RIMKLB: variants seen among roughly 807,000 people sequenced by gnomAD.
RIMKLB encodes the protein beta-citrylglutamate synthase B.
In RIMKLB, 7 loss-of-function variants were observed where a neutral mutation model predicts 32.0. That is an observed-to-expected ratio of 0.22 (90% CI 0.12 to 0.41). The LOEUF (loss-of-function observed/expected upper bound fraction) is 0.41. Ranked by LOEUF, RIMKLB falls within the 10% of genes least tolerant of loss-of-function variation. The pLI, the probability that RIMKLB is intolerant of heterozygous loss-of-function variation, is 1.00. For missense variants in RIMKLB, 289 were observed against 498.7 expected (o/e 0.58, Z 4.00); for synonymous variants, 172 against 185.1 (o/e 0.93, Z 0.57).
chr12:8,768,261 A>G (rs1263710420), intron 5 of RIMKLB, among the ~76,000 whole-genome samples: 2 of 152,218 alleles, frequency 1.3e-5, no homozygotes, highest in Non-Finnish European at 2.9e-5. Context: ...GCCTCACTGG[A>G]TCAGGAGCAC....
intron 2 of RIMKLB, among the ~76,000 whole-genome samples, chr12:8,738,063 T>G (rs1329783640): frequency 6.6e-6 from 1 of 152,160 alleles, no homozygotes; most frequent in Non-Finnish European, 1.5e-5. Flanking sequence ...TTCAAAAAAT[T>G]ATAATCCATT....
At chr12:8,758,337 T>C (rs1226737497) in intron 5 of RIMKLB, among the ~76,000 whole-genome samples, 4 of 152,034 alleles carry the variant, frequency 2.6e-5, no homozygotes, top group Admixed American at 6.6e-5. Flanking sequence ...CCCAGGCTAG[T>C]CTTGAACTCT....
At chr12:8,713,708 G>A in intron 1 of RIMKLB, 103 bp from the exon 2 acceptor site, 1 of 733,122 alleles carries the variant, frequency 1.4e-6, no homozygotes, top group Non-Finnish European at 2.2e-6. Context: ...GTTTTTTCCT[G>A]TTTATATAAT....
chr12:8,724,110 A>G (rs769202615), intron 2 of RIMKLB, among the ~76,000 whole-genome samples: 1 of 152,148 alleles, frequency 6.6e-6, no homozygotes, highest in African/African-American at 2.4e-5. Flanking sequence ...GTGAGCCACC[A>G]CACCTGGCCA....
intron 2 of RIMKLB, among the ~76,000 whole-genome samples, chr12:8,724,908 G>A (rs1486101955): frequency 6.6e-6 from 1 of 152,166 alleles, no homozygotes; most frequent in Non-Finnish European, 1.5e-5. Context: ...CCTGCTTAGG[G>A]TTAGTGGAGG....
At chr12:8,781,086 A>T (rs764699007), downstream of RIMKLB, among the ~76,000 whole-genome samples, 8 of 152,352 alleles carry the variant, frequency 5.3e-5, no homozygotes, top group East Asian at 1.5e-3. Flanking sequence ...CACGCCTGTA[A>T]TCCTAACACT....
intron 2 of RIMKLB, among the ~76,000 whole-genome samples, chr12:8,725,111 A>G (rs778861118): frequency 7.9e-5 from 12 of 152,260 alleles, no homozygotes; most frequent in Non-Finnish European, 1.6e-4. Context: ...CCAGCTTGCT[A>G]ACATCCAGAA....
intron 1 of RIMKLB, among the ~76,000 whole-genome samples, chr12:8,686,460 CTTT>C (rs113131504): frequency 2.1e-5 from 3 of 143,240 alleles, no homozygotes; most frequent in Admixed American, 1.4e-4. Context: ...TTTTTCTTTT[CTTT>C]TTTTTTTTTT....
At chr12:8,724,038 GC>G (rs971716594) in intron 2 of RIMKLB, among the ~76,000 whole-genome samples, 2 of 151,888 alleles carry the variant, frequency 1.3e-5, no homozygotes, top group African/African-American at 4.8e-5. Flanking sequence ...TTGTCAAGTT[GC>G]CCAGGCTGGG....
intron 1 of RIMKLB, among the ~76,000 whole-genome samples, chr12:8,685,995 A>G (rs751493131): frequency 2.0e-5 from 3 of 151,910 alleles, no homozygotes; most frequent in Non-Finnish European, 4.4e-5. Context: ...TTCAGTAGAG[A>G]CGGGGTTTCA....
intron 5 of RIMKLB, 32 bp downstream of exon 5, chr12:8,754,125 T>A (rs765689942): frequency 1.3e-6 from 2 of 1,489,474 alleles, no homozygotes; most frequent in South Asian, 2.3e-5. Flanking sequence ...TTCTAGTATA[T>A]AAAGTAACAT....
At chr12:8,771,814 C>G (rs745594427) in intron 5 of RIMKLB, among the ~76,000 whole-genome samples, 1 of 152,132 alleles carries the variant, frequency 6.6e-6, no homozygotes, top group African/African-American at 2.4e-5. Flanking sequence ...TTAATTATTG[C>G]CTCTCCATCT....
chr12:8,671,592 A>C, the RIMKLB span, among the ~76,000 whole-genome samples: 1 of 151,984 alleles, frequency 6.6e-6, no homozygotes, highest in African/African-American at 2.4e-5. Context: ...CAAATTTTCC[A>C]AACTTTTATG....
the RIMKLB span, among the ~76,000 whole-genome samples, chr12:8,674,360 T>C: frequency 2.0e-5 from 3 of 148,740 alleles, no homozygotes; most frequent in Non-Finnish European, 4.4e-5. Context: ...TGGCTCAGCC[T>C]CCCGAGTAGC....
At chr12:8,678,269 G>C (rs1256722896), upstream of RIMKLB, among the ~76,000 whole-genome samples, 1 of 151,768 alleles carries the variant, frequency 6.6e-6, no homozygotes, top group African/African-American at 2.4e-5. Context: ...TCGCACGTTG[G>C]CCTCCCAAAG....
the RIMKLB span, among the ~76,000 whole-genome samples, chr12:8,669,892 T>A: frequency 6.6e-6 from 1 of 151,468 alleles, no homozygotes; most frequent in East Asian, 1.9e-4. Flanking sequence ...CCGGGCGTGG[T>A]GGCGGGTGCC....
At chr12:8,760,688 A>C (rs202145213) in intron 5 of RIMKLB, among the ~76,000 whole-genome samples, 1 of 152,018 alleles carries the variant, frequency 6.6e-6, no homozygotes, top group South Asian at 2.1e-4. Context: ...CATTTCTCTG[A>C]TGGCCAGTGA....
At chr12:8,709,757 G>A (rs373158452) in intron 1 of RIMKLB, among the ~76,000 whole-genome samples, 6 of 152,128 alleles carry the variant, frequency 3.9e-5, no homozygotes, top group Non-Finnish European at 7.4e-5. Context: ...GAGAGACACC[G>A]CATTCATATA....
downstream of RIMKLB, among the ~76,000 whole-genome samples, chr12:8,782,007 C>CT (rs71659540): frequency 2.1e-3 from 305 of 142,546 alleles, no homozygotes; most frequent in Middle Eastern, 3.6e-3. Flanking sequence ...CTTATTTCAG[C>CT]TTTTTTTTTT....
Sources: gnomAD v4.1 joint callset for allele counts (sites outside exome capture counted in the v4.1 genomes callset) on GRCh38, gnomAD v4.1.1 for gene constraint, MANE v1.5 for transcripts, NCBI Gene and HGNC (gene_info 2026-07-23, HGNC 2026-07-21) for gene names.